The following CHN2 variants were observed in gnomAD, a reference collection of about 807,000 sequenced individuals.
The protein encoded by CHN2 is beta-chimaerin.
Under a neutral mutation model 56.3 loss-of-function variants are expected in CHN2, and 35 were observed. The ratio of observed to expected loss-of-function variants is 0.62; its 90% CI spans 0.47 to 0.82. The LOEUF (loss-of-function observed/expected upper bound fraction) is 0.82. Ranked by LOEUF, CHN2 falls within the 40% of genes least tolerant of loss-of-function variation. The pLI, the probability that CHN2 is intolerant of heterozygous loss-of-function variation, is 0.00. For missense variants in CHN2, 491 were observed against 580.5 expected, an observed-to-expected ratio of 0.85 and a Z score of 1.58; for synonymous variants, 210 against 212.8, an observed-to-expected ratio of 0.99 and a Z score of 0.12.
intron 1 of CHN2, among the ~76,000 whole-genome samples, chr7:29,267,611 T>C (rs1790259575): frequency 6.6e-6 from 1 of 152,148 alleles, no homozygotes; most frequent in South Asian, 2.1e-4. Context: ...AGAGAAGAGT[T>C]TGATGGAGTG....
chr7:29,470,494 C>T (rs1438590508), intron 6 of CHN2, among the ~76,000 whole-genome samples: 3 of 152,128 alleles, frequency 2.0e-5, no homozygotes. Flanking sequence ...AAACCTGTTT[C>T]ATAGGTATCT....
At chr7:29,491,740 C>A (rs1204567819) in intron 7 of CHN2, among the ~76,000 whole-genome samples, 2 of 152,240 alleles carry the variant, frequency 1.3e-5, no homozygotes, top group East Asian at 3.9e-4. Flanking sequence ...TTCATCCCAC[C>A]CTTTTTTAAA....
In CHN2 at chr7:29,499,992, C is replaced by G. The variant is rs199849313; in HGVS notation, c.865C>G (p.Gln289Glu). 1.9e-5 allele frequency: 31 copies of G among 1,600,016 alleles called. No homozygotes were observed. The East Asian group carries it at 4.7e-4, about 24-fold the overall frequency. The change falls in exon 9 of 13, where the codon CAG (glutamine) becomes GAG (glutamate). Residue 289 changes from glutamine to glutamate, a missense_variant. By Grantham distance (29) the Gln-to-Glu change is conservative. Transcript: ENST00000222792. The stretch of plus-strand genomic sequence containing the variant: ...AACACTTGTGAAGGCTCACAACACT[C>G]AGAGACCCATGGTGGTAGACATATG... ...LTTLVKAHNT[Q>E]RPMVVDICIR...
chr7:29,153,171 A>G (rs1311407895), intron 2 of CHN2, among the ~76,000 whole-genome samples: 4 of 152,226 alleles, frequency 2.6e-5, no homozygotes, highest in African/African-American at 9.6e-5. Flanking sequence ...TATTTCATTT[A>G]ACAGTTTGTT....
intron 2 of CHN2, among the ~76,000 whole-genome samples, chr7:29,181,730 C>CTTATTTATAATGT (rs1798080839): frequency 6.6e-6 from 1 of 152,156 alleles, no homozygotes. Context: ...AAAGTAGACA[C>CTTATTTATAATGT]TAATGATCTT....
At chr7:29,473,488 G>T (rs1353468054) in intron 6 of CHN2, among the ~76,000 whole-genome samples, 1,490 of 61,554 alleles carry the variant, frequency 0.024, 20 homozygotes, top group African/African-American at 0.079. Context: ...TTTTTTGTGT[G>T]TGTGTGTGTG....
chr7:29,216,533 C>G (rs1259166764), intron 1 of CHN2, among the ~76,000 whole-genome samples: 1 of 152,232 alleles, frequency 6.6e-6, no homozygotes, highest in Non-Finnish European at 1.5e-5. Flanking sequence ...GCTTATCATT[C>G]CGCCAAGGTT....
chr7:29,198,090 A>G (rs1029703935), intron 1 of CHN2: 3 of 454,696 alleles, frequency 6.6e-6, no homozygotes, highest in East Asian at 6.9e-5. Context: ...GCTGCTGCTG[A>G]TGTAGGAGGT....
chr7:29,407,917 G>A (rs1416143993), intron 6 of CHN2, among the ~76,000 whole-genome samples: 4 of 152,220 alleles, frequency 2.6e-5, no homozygotes, highest in African/African-American at 9.6e-5. Flanking sequence ...GCCGGGCTTG[G>A]TGGCTCATGC....
At chr7:29,440,179 G>A (rs961615046) in intron 6 of CHN2, among the ~76,000 whole-genome samples, 9 of 152,156 alleles carry the variant, frequency 5.9e-5, no homozygotes, top group Admixed American at 5.2e-4. Context: ...ACTGATTATA[G>A]CATGGTAGTT....
At chr7:29,164,007 T>A (rs1795550354) in intron 2 of CHN2, among the ~76,000 whole-genome samples, 1 of 152,230 alleles carries the variant, frequency 6.6e-6, no homozygotes, top group Non-Finnish European at 1.5e-5. Flanking sequence ...TGTGGACATA[T>A]GCTTTCGTTT....
intron 1 of CHN2, among the ~76,000 whole-genome samples, chr7:29,252,443 C>T (rs1403926856): frequency 6.6e-6 from 1 of 151,510 alleles, no homozygotes; most frequent in African/African-American, 2.4e-5. Context: ...CAGCTTCAGC[C>T]TCCCAAAGTG....
chr7:29,416,448 A>G (rs1435918189), intron 6 of CHN2, among the ~76,000 whole-genome samples: 2 of 152,206 alleles, frequency 1.3e-5, no homozygotes, highest in Non-Finnish European at 2.9e-5. Context: ...AAATGGGGTG[A>G]AAAAGGGCAG....
intron 6 of CHN2, among the ~76,000 whole-genome samples, chr7:29,467,022 G>A (rs904480382): frequency 6.6e-6 from 1 of 152,042 alleles, no homozygotes; most frequent in African/African-American, 2.4e-5. Context: ...TTATCATTTT[G>A]TATTCTACAT....
chr7:29,439,660 G>A (rs1783487630), intron 6 of CHN2, among the ~76,000 whole-genome samples: 1 of 152,182 alleles, frequency 6.6e-6, no homozygotes, highest in African/African-American at 2.4e-5. Flanking sequence ...CTGCTCAGTA[G>A]ATGAGTGAGG....
At chr7:29,452,878 C>T (rs990225688) in intron 6 of CHN2, among the ~76,000 whole-genome samples, 1 of 152,182 alleles carries the variant, frequency 6.6e-6, no homozygotes, top group Non-Finnish European at 1.5e-5. Flanking sequence ...GTTCTCATCC[C>T]GACTCCACTG....
chr7:29,503,513 T>C (rs553402278), intron 9 of CHN2, among the ~76,000 whole-genome samples: 1 of 152,272 alleles, frequency 6.6e-6, no homozygotes, highest in South Asian at 2.1e-4. Flanking sequence ...GCAACTCCAG[T>C]TGATCAGTAG....
At chr7:29,465,668 G>A (rs1785497601) in intron 6 of CHN2, among the ~76,000 whole-genome samples, 1 of 152,162 alleles carries the variant, frequency 6.6e-6, no homozygotes, top group African/African-American at 2.4e-5. Flanking sequence ...CATTTTTAGA[G>A]TTAATTGCCA....
chr7:29,384,255 G>A (rs1370414589), intron 3 of CHN2, among the ~76,000 whole-genome samples: 1 of 152,144 alleles, frequency 6.6e-6, no homozygotes, highest in Non-Finnish European at 1.5e-5. Context: ...TTCTCTATAA[G>A]TACATTATAT....
Sources: allele counts gnomAD v4.1 joint callset (sites outside exome capture counted in the v4.1 genomes callset), GRCh38; gene constraint gnomAD v4.1.1; transcripts MANE v1.5; gene names NCBI Gene and HGNC (gene_info 2026-07-23, HGNC 2026-07-21).